DENND4A: variants seen among roughly 807,000 people sequenced by gnomAD.
DENND4A encodes DENN domain containing 4A, also known as C-myc promoter-binding protein.
DENND4A carries 70 observed loss-of-function variants against 199.3 expected under a neutral mutation model. The observed-to-expected ratio is 0.35, with a 90% CI of 0.29 to 0.43. The LOEUF is 0.43. Among genes scored for constraint, DENND4A ranks in the 20% least tolerant of loss-of-function variants. DENND4A has a pLI of 1.00. For missense variants in DENND4A, 1,723 were observed against 2,255.8 expected (o/e 0.76, Z 4.78); for synonymous variants, 686 against 766.9 (o/e 0.89, Z 1.74).
intron 14 of DENND4A, among the ~76,000 whole-genome samples, chr15:65,708,683 C>T (rs970089003): frequency 1.3e-5 from 2 of 152,102 alleles, no homozygotes; most frequent in African/African-American, 4.8e-5. Flanking sequence ...AAATAATTTT[C>T]ATATTCTCTT....
In DENND4A at chr15:65,660,293, A is replaced by C. The variant is rs2075812401; in HGVS notation, c.*1558T>G. 3 of 1,535,308 alleles carry C rather than the reference A, an allele frequency of 2.0e-6. No individual in the cohort carries two copies. The highest frequency in any genetic ancestry group is 2.6e-6 in the Non-Finnish European group (3 of 1,146,554). Reference sequence around the variant, plus strand: ...TTATTTCCCAGAGTTGGAAGCTGTGAAATGTTTCAGCATGGTGCTATTCAC... The same window carrying C: ...TTATTTCCCAGAGTTGGAAGCTGTGCAATGTTTCAGCATGGTGCTATTCAC... On this transcript the variant is annotated 3_prime_UTR_variant, in exon 33 of 33. Coordinates refer to ENST00000443035, the MANE Select transcript of DENND4A (RefSeq NM_001320835.1).
At chr15:65,685,501 C>T (rs1239854013) in intron 23 of DENND4A, among the ~76,000 whole-genome samples, 1 of 152,216 alleles carries the variant, frequency 6.6e-6, no homozygotes, top group Non-Finnish European at 1.5e-5. Flanking sequence ...AGTTGAGTGT[C>T]TACATTCACC....
intron 5 of DENND4A, among the ~76,000 whole-genome samples, chr15:65,739,446 T>C (rs1258422514): frequency 6.6e-6 from 1 of 152,194 alleles, no homozygotes; most frequent in African/African-American, 2.4e-5. Context: ...TTGCCTATGA[T>C]TTCACATTAG....
intron 19 of DENND4A, 105 bp from the exon 20 acceptor site, chr15:65,700,780 T>C: frequency 5.8e-6 from 7 of 1,207,544 alleles, no homozygotes; most frequent in Non-Finnish European, 7.7e-6. Context: ...ACATGAAAAG[T>C]GCCACATACT....
At chr15:65,718,577 T>G (rs1007893245) in intron 12 of DENND4A, among the ~76,000 whole-genome samples, 5 of 151,756 alleles carry the variant, frequency 3.3e-5, no homozygotes, top group African/African-American at 1.2e-4. Flanking sequence ...TGACCTGACA[T>G]ACGAATAAGG....
chr15:65,746,104 G>A (rs925677759), intron 4 of DENND4A, among the ~76,000 whole-genome samples: 3 of 149,598 alleles, frequency 2.0e-5, no homozygotes, highest in East Asian at 2.0e-4. Flanking sequence ...TCATACCATC[G>A]CACTCCAGCC....
intron 1 of DENND4A, among the ~76,000 whole-genome samples, chr15:65,790,971 C>T (rs1315785243): frequency 6.6e-6 from 1 of 152,162 alleles, no homozygotes; most frequent in Non-Finnish European, 1.5e-5. Context: ...CTAGGGTAAA[C>T]AGAAAATAGA....
chr15:65,731,936 CCT>C (rs947718779), intron 8 of DENND4A, among the ~76,000 whole-genome samples: 2 of 151,992 alleles, frequency 1.3e-5, no homozygotes, highest in Admixed American at 6.6e-5. Context: ...AATGGTTTCC[CCT>C]GATGCCATTT....
chr15:65,668,222 T>C (rs1056762132), intron 27 of DENND4A, 99 bp from the exon 28 acceptor site: 97 of 997,984 alleles, frequency 9.7e-5, no homozygotes, highest in Non-Finnish European at 9.0e-5. Flanking sequence ...TTTTTTTTTT[T>C]TTTTAAGACA....
At chr15:65,684,820 T>A (rs1190938127) in intron 23 of DENND4A, among the ~76,000 whole-genome samples, 1 of 92,282 alleles carries the variant, frequency 1.1e-5, no homozygotes, top group African/African-American at 4.0e-5. Context: ...TTCTTCCAAT[T>A]TTTTTTTTTT....
At chr15:65,700,900 T>C in intron 19 of DENND4A, 151 bp downstream of exon 19, 1 of 958,094 alleles carries the variant, frequency 1.0e-6, no homozygotes, top group Non-Finnish European at 1.5e-6. Flanking sequence ...TGAAATCTGG[T>C]GGTTTTTAAA....
intron 4 of DENND4A, among the ~76,000 whole-genome samples, chr15:65,745,608 T>A (rs917602872): frequency 3.9e-5 from 6 of 152,052 alleles, no homozygotes; most frequent in African/African-American, 1.2e-4. Flanking sequence ...ATAAAAAAAA[T>A]TTTATAAAAA....
At chr15:65,714,412 CA>C (rs60132099) in intron 14 of DENND4A, among the ~76,000 whole-genome samples, 74,557 of 134,308 alleles carry the variant, frequency 0.56, 20,046 homozygotes, top group East Asian at 0.81. Context: ...GACTCCGTCT[CA>C]AAAAAAAAAA....
chr15:65,678,705 G>A (rs1289192171), intron 23 of DENND4A, among the ~76,000 whole-genome samples: 2 of 151,758 alleles, frequency 1.3e-5, no homozygotes, highest in Non-Finnish European at 2.9e-5. Flanking sequence ...ATCATTTTTT[G>A]TTTTGAGACA....
intron 15 of DENND4A, among the ~76,000 whole-genome samples, chr15:65,705,312 G>A (rs768694549): frequency 1.2e-4 from 18 of 152,318 alleles, no homozygotes; most frequent in Admixed American, 4.6e-4. Context: ...GGTGATAGAT[G>A]TGAAATGGTT....
rs1177013648 is a variant in DENND4A at position 65,668,047 on chromosome 15, T to G, written c.4864A>C (p.Lys1622Gln). 6.2e-7 allele frequency: 1 copy of G among 1,612,244 alleles called. No individual in the cohort carries two copies. The highest frequency in any genetic ancestry group is 1.3e-5 in the African/African-American group (1 of 74,824). Reference sequence around the variant, plus strand: ...CTGGCCATTGGAAATATTGGACATTTAGACATAGCTGTTTTTGATCTATTA... The same window carrying G: ...CTGGCCATTGGAAATATTGGACATTGAGACATAGCTGTTTTTGATCTATTA... ...PANRSKTAMS[K>Q]CPIFPMARSI... The change falls in exon 28 of 33, where the codon AAA (lysine) becomes CAA (glutamine). Residue 1622 changes from lysine to glutamine, a missense_variant. By Grantham distance (53) the Lys-to-Gln change is moderately conservative. Coordinates refer to ENST00000443035, the MANE Select transcript of DENND4A (RefSeq NM_001320835.1).
chr15:65,678,806 C>G (rs966190486), intron 23 of DENND4A, among the ~76,000 whole-genome samples: 4 of 152,148 alleles, frequency 2.6e-5, no homozygotes, highest in African/African-American at 9.7e-5. Context: ...CCTCCCACTT[C>G]AGCCTTCCAA....
chr15:65,725,376 G>T (rs1232040813), intron 11 of DENND4A, among the ~76,000 whole-genome samples: 2 of 152,108 alleles, frequency 1.3e-5, no homozygotes, highest in South Asian at 2.1e-4. Flanking sequence ...TTGTCAGAAG[G>T]GTTAATAAGA....
intron 1 of DENND4A, among the ~76,000 whole-genome samples, chr15:65,781,102 G>T (rs72741279): frequency 0.21 from 31,798 of 151,948 alleles, 3,794 homozygotes; most frequent in African/African-American, 0.32. Flanking sequence ...GAAAAAGGAA[G>T]GAGGAAACAA....
Sources: gnomAD v4.1 joint callset for allele counts (sites outside exome capture counted in the v4.1 genomes callset) on GRCh38, gnomAD v4.1.1 for gene constraint, MANE v1.5 for transcripts, NCBI Gene and HGNC (gene_info 2026-07-23, HGNC 2026-07-21) for gene names.